The following MYBPC3 variants were observed in gnomAD, a reference collection of about 807,000 sequenced individuals.
MYBPC3 encodes myosin-binding protein C, cardiac-type.
A neutral mutation model predicts 159.3 loss-of-function variants in MYBPC3; 108 were observed. The observed-to-expected ratio is 0.68, with a 90% confidence interval of 0.58 to 0.80. The LOEUF is 0.80. Ranked by LOEUF, MYBPC3 falls within the 30% of genes least tolerant of loss-of-function variation. MYBPC3 has a pLI of 0.00. For synonymous variants in MYBPC3, 730 were observed against 702.0 expected (o/e 1.04, Z -0.63); for missense variants, 1,631 against 1,762.1 (o/e 0.93, Z 1.33).
chr11:47,339,197 G>A, intron 22 of MYBPC3, 127 bp downstream of exon 22: 1 of 1,003,338 alleles, frequency 1.0e-6, no homozygotes, highest in Admixed American at 1.7e-5. Flanking sequence ...CAGGGACCCT[G>A]CTGGGGGCAG....
In MYBPC3 at chr11:47,348,908, T is replaced by TTATATATATATA. The variant is rs58411933; in HGVS notation, c.655-379_655-368dup. Among the ~76,000 whole-genome samples, 331 of 39,866 alleles carry TTATATATATATA rather than the reference T, an allele frequency of 8.3e-3. 58 individuals are homozygous for TTATATATATATA. The highest frequency in any genetic ancestry group is 0.028 in the Middle Eastern group (1 of 36). 26.2% of individuals were successfully genotyped at this position (39,866 alleles called of 152,430 possible). ...CGACAGAGCGAGACCCTGTCTCAAA[T>TTATATATATATA]TATATATATATATATATATTTAAAG... On this transcript the variant is annotated intron_variant, in intron 5 of 34. Coordinates refer to ENST00000545968, the MANE Select transcript of MYBPC3 (RefSeq NM_000256.3).
chr11:47,350,560 G>T lies in MYBPC3; in HGVS notation c.348C>A (p.Ala116=), dbSNP rs886039198. The T allele has an allele frequency of 1.1e-5, 17 of 1,545,468 alleles. No homozygotes were observed. The highest frequency in any genetic ancestry group is 1.5e-5 in the Non-Finnish European group (17 of 1,153,394). ...PAPAPAEATG[A]PGEAPAPAAE... ...CGGCTGGGGCCGGGGCTTCTCCAGG[G>T]GCTCCAGTGGCCTCAGCAGGGGCAG... is the stretch of plus-strand genomic sequence containing the variant. The change falls in exon 3 of 35, where the codon GCC becomes GCA. Residue 116 remains alanine (A), a synonymous_variant. Coordinates refer to ENST00000545968, the MANE Select transcript of MYBPC3 (RefSeq NM_000256.3).
chr11:47,346,908 C>T lies in MYBPC3; in HGVS notation c.908+119G>A, dbSNP rs1381062625. 6.8e-6 allele frequency: 5 copies of T among 736,498 alleles called. No individual in the cohort carries two copies. The highest frequency in any genetic ancestry group is 2.8e-5 in the South Asian group (2 of 70,514). 45.6% of individuals were successfully genotyped at this position (736,498 alleles called of 1,614,324 possible). On this transcript the variant is annotated intron_variant, in intron 10 of 34. Transcript: ENST00000545968. This position sits in a 1 kb window ranked among gnomAD's most constrained non-coding sequence, Gnocchi z 5.3. ...CAAGGCACAGAGACTCACCCCTGTC[C>T]GTGGGGAGCCGCACCCTGCTCTGAG...
At position 47,351,265 on chromosome 11, in the gene MYBPC3, T is replaced by C; in HGVS notation, c.266A>G (p.Lys89Arg). ...YAVIAGSSKV[K>R]FDLKVIEAEK... is the part of the protein sequence containing the mutation. ...TGCCTCTATGACCTTGAGGTCGAAC[T>C]TGACCTTGGAGGAGCCAGCAATGAC... Residue 89 changes from lysine (K) to arginine (R), a missense_variant, in exon 2 of 35, where the codon AAG becomes AGG. Lys to Arg is a conservative substitution (Grantham distance 26, BLOSUM62 2). Coordinates refer to ENST00000545968, the MANE Select transcript of MYBPC3 (RefSeq NM_000256.3). The surrounding 1 kb of genome is among the most constrained non-coding windows in gnomAD (Gnocchi z 4.2). 1 of 1,500,630 alleles carries C rather than the reference T, an allele frequency of 6.7e-7. No individual in the cohort carries two copies. The highest frequency in any genetic ancestry group is 9.0e-7 in the Non-Finnish European group (1 of 1,110,884). 93.0% of individuals were successfully genotyped at this position (1,500,630 alleles called of 1,614,324 possible).
chr11:47,339,561 T>A, intron 21 of MYBPC3, 90 bp downstream of exon 21: 1 of 1,483,214 alleles, frequency 6.7e-7, no homozygotes, highest in Non-Finnish European at 9.1e-7. Flanking sequence ...GGCGTGCACA[T>A]GTGGGTGGGG....
chr11:47,335,236 C>G (rs2857542), intron 26 of MYBPC3, 27 bp from the exon 27 acceptor site: 2 of 1,556,938 alleles, frequency 1.3e-6, no homozygotes, highest in Non-Finnish European at 1.7e-6. Context: ...GGAGGCAAGG[C>G]CACAGGCTGT....
chr11:47,340,540 G>A (rs1045605258), intron 20 of MYBPC3, among the ~76,000 whole-genome samples: 4 of 152,142 alleles, frequency 2.6e-5, no homozygotes, highest in East Asian at 1.9e-4. Flanking sequence ...GGTGGCGGGC[G>A]CCTGTAGTCC....
chr11:47,341,882 T>G, intron 18 of MYBPC3, 109 bp downstream of exon 18: 1 of 1,415,404 alleles, frequency 7.1e-7, no homozygotes, highest in Non-Finnish European at 9.6e-7. Context: ...TCTGTGCATC[T>G]GCCTCTCTGT....
rs397515955 is a variant in MYBPC3 at position 47,338,632 on chromosome 11, G to A, written c.2196C>T (p.Asp732=). The A allele has an allele frequency of 5.0e-5, 81 of 1,613,822 alleles. No homozygotes were observed. Among genetic ancestry groups the A allele is most frequent in the Non-Finnish European group, 6.4e-5 (76 of 1,179,886 alleles). ...CCCCCTCGACCGTGAAGATGCTGCG[G>A]TCCTTGGTGGTCTCCACGCGGACCC... ...EGRVRVETTK[D]RSIFTVEGAE... The change falls in exon 23 of 35, where the codon GAC becomes GAT. Residue 732 remains aspartate, a synonymous_variant. Transcript: ENST00000545968. This position sits in a 1 kb window ranked among gnomAD's most constrained non-coding sequence, Gnocchi z 4.7.
Position 47,343,488 on chromosome 11 carries a change from G to T in MYBPC3, c.1223+4C>A, listed in dbSNP as rs1348810506. 1 of 1,578,298 alleles carries T rather than the reference G, an allele frequency of 6.3e-7. No individual in the cohort carries two copies. Among genetic ancestry groups the T allele is most frequent in the South Asian group, 1.2e-5 (1 of 86,234 alleles). On this transcript the variant is annotated splice_donor_region_variant and intron_variant, in intron 13 of 34. Coordinates refer to ENST00000545968, the MANE Select transcript of MYBPC3 (RefSeq NM_000256.3). ...CGAGCCCCCCTCCCCACCCCAGGCT[G>T]CACCTGCCGCTCATCTGGATCTCCT...
Position 47,332,933 on chromosome 11 carries a change from C to T in MYBPC3, c.3371G>A (p.Cys1124Tyr), listed in dbSNP as rs751258646. The T allele has an allele frequency of 6.2e-7, 1 of 1,610,866 alleles. No individual in the cohort carries two copies. The highest frequency in any genetic ancestry group is 1.1e-5 in the South Asian group (1 of 90,202). ...TVLEHYRRTH[C>Y]VVPELIIGNG... ...GCCAATGATGAGCTCTGGCACCACGCAGTGGGTGCGGCGGTAATGCTCCAA... is the reference window on the plus strand; with the variant it reads ...GCCAATGATGAGCTCTGGCACCACGTAGTGGGTGCGGCGGTAATGCTCCAA... The change falls in exon 31 of 35, where the codon TGC (cysteine) becomes TAC (tyrosine). Residue 1124 changes from cysteine to tyrosine, a missense_variant. Coordinates refer to ENST00000545968, the MANE Select transcript of MYBPC3 (RefSeq NM_000256.3). The surrounding 1 kb of genome is among the most constrained non-coding windows in gnomAD (Gnocchi z 4.2).
At chr11:47,341,646 G>A (rs1282520858) in intron 18 of MYBPC3, among the ~76,000 whole-genome samples, 2 of 152,204 alleles carry the variant, frequency 1.3e-5, no homozygotes, top group African/African-American at 4.8e-5. Context: ...CACAAGCTGG[G>A]GGAGGGTGCT....
rs755866119 is a variant in MYBPC3 at position 47,342,563 on chromosome 11, C to G, written c.1624+15G>C. On this transcript the variant is annotated intron_variant, in intron 17 of 34. Transcript: ENST00000545968. Reference sequence around the variant, plus strand: ...CAAGCCCTAAAGCCTCATGTGCCCCCCCAGCCAGGCTCACCCTGCACAATG... The same window carrying G: ...CAAGCCCTAAAGCCTCATGTGCCCCGCCAGCCAGGCTCACCCTGCACAATG... The G allele has an allele frequency of 3.8e-6, 6 of 1,563,910 alleles. No homozygotes were observed. Among genetic ancestry groups the G allele is most frequent in the Admixed American group, 1.8e-5 (1 of 55,240 alleles).
In MYBPC3 at chr11:47,348,440, GA is replaced by G; in HGVS notation, c.755del (p.Phe252SerfsTer48). 1 of 1,612,404 alleles carries G rather than the reference GA, an allele frequency of 6.2e-7. No individual in the cohort carries two copies. The highest frequency in any genetic ancestry group is 8.5e-7 in the Non-Finnish European group (1 of 1,178,992). ...STKDKFDCSN[F>X]NLTVHEAMGT... ...CCCCCTCACCGTGGACAGTGAGATTGAAGTTGGAGCAGTCAAATTTGTCCTT... is the reference window on the plus strand; with the variant it reads ...CCCCCTCACCGTGGACAGTGAGATTGAGTTGGAGCAGTCAAATTTGTCCTT... On this transcript the variant is annotated frameshift_variant, in exon 6 of 35. Transcript: ENST00000545968. LOFTEE classifies it high-confidence loss of function.
chr11:47,350,809 C>T (rs1356142928), intron 2 of MYBPC3, among the ~76,000 whole-genome samples, 194 bp from the exon 3 acceptor site: 1 of 152,216 alleles, frequency 6.6e-6, no homozygotes, highest in East Asian at 1.9e-4. Flanking sequence ...CATTCTCCTC[C>T]CCGTCCCAGG....
intron 5 of MYBPC3, 135 bp downstream of exon 5, chr11:47,349,639 C>T (rs1478655863): frequency 7.7e-7 from 1 of 1,303,880 alleles, no homozygotes; most frequent in Non-Finnish European, 1.0e-6. Flanking sequence ...CTCCACCTGC[C>T]TCCCAGATTC....
At chr11:47,335,311 G>GT (rs1217490872) in intron 26 of MYBPC3, 102 bp from the exon 27 acceptor site, 21 of 968,006 alleles carry the variant, frequency 2.2e-5, no homozygotes, top group Admixed American at 1.9e-4. Flanking sequence ...ATTTAAATAT[G>GT]TTTTTTTAAA....
Position 47,333,282 on chromosome 11 carries a change from T to A in MYBPC3, c.3242A>T (p.Asn1081Ile). Reference protein sequence around the residue: ...DLRVTDAWGLNVALEWKPPQD... With the variant: ...DLRVTDAWGLIVALEWKPPQD... ...GGGTGGCTTCCACTCCAGAGCCACA[T>A]TAAGACCCCAGGCGTCAGTCACCCG... Residue 1081 changes from asparagine to isoleucine, a missense_variant, in exon 30 of 35, where the codon AAT becomes ATT. Transcript: ENST00000545968. 1 of 1,590,664 alleles carries A rather than the reference T, an allele frequency of 6.3e-7. No individual in the cohort carries two copies. The highest frequency in any genetic ancestry group is 8.6e-7 in the Non-Finnish European group (1 of 1,168,244).
intron 12 of MYBPC3, among the ~76,000 whole-genome samples, chr11:47,345,368 G>A (rs2095893081): frequency 6.6e-6 from 1 of 152,242 alleles, no homozygotes; most frequent in Non-Finnish European, 1.5e-5. Context: ...CAGGGAGGCA[G>A]GGCAGAGGGA....
Sources: gnomAD v4.1 joint callset for allele counts (sites outside exome capture counted in the v4.1 genomes callset) on GRCh38, gnomAD v4.1.1 for gene constraint, Gnocchi (gnomAD v3.1) non-coding constraint, MANE v1.5 for transcripts, NCBI Gene and HGNC (gene_info 2026-07-23, HGNC 2026-07-21) for gene names.